CACNA2D3: variants seen among roughly 807,000 people sequenced by gnomAD.
CACNA2D3 encodes the protein calcium voltage-gated channel auxiliary subunit alpha2delta 3, also known as voltage-dependent calcium channel subunit alpha-2/delta-3.
CACNA2D3 carries 60 observed loss-of-function variants against 160.6 expected under a neutral mutation model. The observed-to-expected ratio is 0.37, with a 90% confidence interval of 0.30 to 0.46. CACNA2D3 has a LOEUF of 0.46. CACNA2D3 is among the 20% of genes least tolerant of loss of function. CACNA2D3 has a pLI of 1.00. For missense variants in CACNA2D3, 1,205 were observed against 1,365.0 expected, an observed-to-expected ratio of 0.88 and a Z score of 1.85; for synonymous variants, 558 against 492.9, an observed-to-expected ratio of 1.13 and a Z score of -1.75.
At chr3:54,616,583 G>A (rs1698854951) in intron 9 of CACNA2D3, among the ~76,000 whole-genome samples, 1 of 152,202 alleles carries the variant, frequency 6.6e-6, no homozygotes, top group Admixed American at 6.5e-5. Flanking sequence ...ATCAGTGGGT[G>A]AGAATCATAG....
chr3:54,309,103 T>C (rs1401302249), intron 2 of CACNA2D3, among the ~76,000 whole-genome samples: 1 of 152,228 alleles, frequency 6.6e-6, no homozygotes, highest in Non-Finnish European at 1.5e-5. Flanking sequence ...GCGTAAATAT[T>C]CTCATTTCAG....
At chr3:54,965,243 C>CAA (rs59751921) in intron 27 of CACNA2D3, among the ~76,000 whole-genome samples, 60,085 of 151,664 alleles carry the variant, frequency 0.4, 13,543 homozygotes, top group East Asian at 0.56. Context: ...CTCTGGCCTA[C>CAA]GTACTCTTGA....
At chr3:54,400,623 G>A (rs6775260) in intron 4 of CACNA2D3, among the ~76,000 whole-genome samples, 152,104 of 152,318 alleles carry the variant, frequency 1, 75,946 homozygotes, top group Middle Eastern at 1. Flanking sequence ...GACACCCACA[G>A]TCATTTCTGA....
At chr3:54,837,259 G>A in intron 15 of CACNA2D3, 29 bp downstream of exon 15, 1 of 1,598,646 alleles carries the variant, frequency 6.3e-7, no homozygotes, top group Non-Finnish European at 8.6e-7. Context: ...CTTCCTGCTT[G>A]ATGCTAGGAG....
intron 4 of CACNA2D3, among the ~76,000 whole-genome samples, chr3:54,446,589 T>C (rs1440160803): frequency 6.6e-6 from 1 of 152,196 alleles, no homozygotes; most frequent in African/African-American, 2.4e-5. Context: ...TTTGCTTTTT[T>C]TGTGTCCTTT....
chr3:54,337,994 C>T (rs932019410), intron 3 of CACNA2D3, among the ~76,000 whole-genome samples: 4 of 152,198 alleles, frequency 2.6e-5, no homozygotes, highest in Non-Finnish European at 5.9e-5. Flanking sequence ...TAAGTGAGTG[C>T]CTCACTTGTC....
At chr3:54,804,754 T>G (rs1264637464) in intron 13 of CACNA2D3, among the ~76,000 whole-genome samples, 1 of 152,186 alleles carries the variant, frequency 6.6e-6, no homozygotes, top group Non-Finnish European at 1.5e-5. Flanking sequence ...ATACATTTTT[T>G]GCAGCACCAC....
intron 35 of CACNA2D3, among the ~76,000 whole-genome samples, chr3:55,044,137 T>C (rs1704021733): frequency 6.6e-6 from 1 of 152,194 alleles, no homozygotes; most frequent in Non-Finnish European, 1.5e-5. Flanking sequence ...TCTAGAAATA[T>C]TTTGAAAAGT....
chr3:54,833,610 C>G (rs759031056), intron 14 of CACNA2D3, among the ~76,000 whole-genome samples: 1 of 151,860 alleles, frequency 6.6e-6, no homozygotes, highest in African/African-American at 2.4e-5. Flanking sequence ...ACAAAACTTG[C>G]CATTGACTGC....
intron 9 of CACNA2D3, among the ~76,000 whole-genome samples, chr3:54,586,317 A>G (rs1702761129): frequency 6.6e-6 from 1 of 152,030 alleles, no homozygotes; most frequent in African/African-American, 2.4e-5. Context: ...ATATGTTGAA[A>G]GTAAAAAAAT....
At chr3:54,562,736 T>G in intron 5 of CACNA2D3, 64 bp from the exon 6 acceptor site, 1 of 1,429,858 alleles carries the variant, frequency 7.0e-7, no homozygotes, top group Non-Finnish European at 9.7e-7. Flanking sequence ...CAGCGTGGGA[T>G]GCCAGGAATT....
At chr3:55,010,344 G>A (rs1311221212) in intron 34 of CACNA2D3, among the ~76,000 whole-genome samples, 1 of 152,004 alleles carries the variant, frequency 6.6e-6, no homozygotes, top group Non-Finnish European at 1.5e-5. Flanking sequence ...ACATGCAGTT[G>A]ACCCGTATAA....
intron 9 of CACNA2D3, among the ~76,000 whole-genome samples, chr3:54,582,606 C>T (rs1174580309): frequency 1.3e-5 from 2 of 152,202 alleles, no homozygotes; most frequent in East Asian, 1.9e-4. Context: ...GCAGCCATGT[C>T]ACAGCTTCTG....
chr3:54,265,694 G>A (rs13077338), intron 2 of CACNA2D3, among the ~76,000 whole-genome samples: 1 of 145,142 alleles, frequency 6.9e-6, no homozygotes, highest in African/African-American at 2.5e-5. Flanking sequence ...ATATAGTGTG[G>A]GTATATATAG....
chr3:54,688,302 A>G (rs1700507862), intron 11 of CACNA2D3, among the ~76,000 whole-genome samples: 1 of 152,180 alleles, frequency 6.6e-6, no homozygotes. Flanking sequence ...TTGTATCTAT[A>G]AGGAGTCCCT....
At chr3:54,596,783 C>G (rs185575606) in intron 9 of CACNA2D3, among the ~76,000 whole-genome samples, 3 of 152,120 alleles carry the variant, frequency 2.0e-5, no homozygotes, top group Non-Finnish European at 4.4e-5. Context: ...CTCTGGAACG[C>G]GCTGTTTCTC....
At chr3:54,148,545 A>G (rs959154700) in intron 2 of CACNA2D3, among the ~76,000 whole-genome samples, 2 of 152,188 alleles carry the variant, frequency 1.3e-5, no homozygotes, top group African/African-American at 4.8e-5. Flanking sequence ...CTGAGCCCTC[A>G]TATAGGTGAA....
At chr3:54,266,325 T>C (rs1490574519) in intron 2 of CACNA2D3, among the ~76,000 whole-genome samples, 1 of 152,226 alleles carries the variant, frequency 6.6e-6, no homozygotes, top group African/African-American at 2.4e-5. Context: ...TTCTAGTTAT[T>C]ATCTCAGACA....
intron 3 of CACNA2D3, among the ~76,000 whole-genome samples, chr3:54,362,450 A>G (rs1042438684): frequency 5.9e-5 from 9 of 152,186 alleles, no homozygotes; most frequent in African/African-American, 2.2e-4. Context: ...AACATCTTAT[A>G]TAATATCACC....
Sources: gnomAD v4.1 joint callset for allele counts (sites outside exome capture counted in the v4.1 genomes callset) on GRCh38, gnomAD v4.1.1 for gene constraint, MANE v1.5 for transcripts, NCBI Gene and HGNC (gene_info 2026-07-23, HGNC 2026-07-21) for gene names.